The following TMEM255B variants were observed in gnomAD, a reference collection of about 807,000 sequenced individuals.
The protein encoded by TMEM255B is transmembrane protein 255B, also known as family with sequence similarity 70, member B.
TMEM255B carries 35 observed loss-of-function variants against 34.5 expected under a neutral mutation model. That is an observed-to-expected ratio of 1.01 (90% CI 0.77 to 1.34). The LOEUF is 1.34. Ranked by LOEUF, TMEM255B falls within the 40% of genes most tolerant of loss-of-function variation. The pLI, the probability that TMEM255B is intolerant of heterozygous loss-of-function variation, is 0.00. For missense variants in TMEM255B, 432 were observed against 433.2 expected (o/e 1.00, Z 0.02); for synonymous variants, 206 against 201.2 (o/e 1.02, Z -0.20).
chr13:113,803,790 C>T (rs1341031632), intron 7 of TMEM255B, among the ~76,000 whole-genome samples: 1 of 151,246 alleles, frequency 6.6e-6, no homozygotes, highest in Non-Finnish European at 1.5e-5. Context: ...AGGCCCTGCC[C>T]CTTCCCACCT....
chr13:113,796,859 G>A (rs889326588), intron 4 of TMEM255B, among the ~76,000 whole-genome samples: 1 of 152,192 alleles, frequency 6.6e-6, no homozygotes, highest in East Asian at 1.9e-4. Context: ...CTGCCCCAAC[G>A]GTTTCATTAT....
chr13:113,813,351 A>T lies in TMEM255B; in HGVS notation c.*1448A>T, dbSNP rs998686279. ...CCTCCCTGCAAAGCCCCCCGTGCCTACGATAAACAAGTACCGCTCTTCTCC... is the reference window on the plus strand; with the variant it reads ...CCTCCCTGCAAAGCCCCCCGTGCCTTCGATAAACAAGTACCGCTCTTCTCC... On this transcript the variant is annotated 3_prime_UTR_variant, in exon 9 of 9. Coordinates refer to ENST00000375353, the MANE Select transcript of TMEM255B (RefSeq NM_182614.4). The T allele has an allele frequency of 9.2e-5, 14 of 152,352 alleles. No individual in the cohort carries two copies. The highest frequency in any genetic ancestry group is 3.4e-4 in the African/African-American group (14 of 41,528). 9.4% of individuals were successfully genotyped at this position (152,352 alleles called of 1,614,324 possible). A position where few individuals can be genotyped will look rare whatever the true frequency, so the allele number is the denominator to read the frequency against.
At chr13:113,809,490 TG>T (rs1362155041) in intron 8 of TMEM255B, among the ~76,000 whole-genome samples, 1 of 86,380 alleles carries the variant, frequency 1.2e-5, no homozygotes, top group Non-Finnish European at 2.2e-5. Flanking sequence ...CTCTGGTTCC[TG>T]GGGGTTTACT....
chr13:113,799,775 T>G, intron 5 of TMEM255B: 2 of 673,432 alleles, frequency 3.0e-6, no homozygotes, highest in Non-Finnish European at 5.6e-6. Flanking sequence ...TGGATTTCCC[T>G]GAGCCACCGA....
chr13:113,794,567 G>A (rs576121476), intron 3 of TMEM255B, among the ~76,000 whole-genome samples: 33 of 152,196 alleles, frequency 2.2e-4, no homozygotes, highest in African/African-American at 7.5e-4. Context: ...CCTCTGGTCA[G>A]GGGTCCACGG....
chr13:113,772,465 T>C (rs953874564), intron 3 of TMEM255B, among the ~76,000 whole-genome samples: 1 of 152,256 alleles, frequency 6.6e-6, no homozygotes, highest in Admixed American at 6.5e-5. Flanking sequence ...TTTGTAGTTT[T>C]AACTCTTCCA....
intron 5 of TMEM255B, chr13:113,800,080 T>TG (rs2051016084): frequency 8.9e-7 from 1 of 1,118,062 alleles, no homozygotes. Flanking sequence ...GTGTGTGTGT[T>TG]TATGTGTGTG....
intron 3 of TMEM255B, among the ~76,000 whole-genome samples, chr13:113,790,542 C>T (rs1292768223): frequency 2.3e-5 from 3 of 131,734 alleles, no homozygotes; most frequent in Non-Finnish European, 4.8e-5. Context: ...ACGTGGACAT[C>T]CTAGCACTGA....
chr13:113,800,879 C>G lies in TMEM255B; in HGVS notation c.476C>G (p.Thr159Ser), dbSNP rs760051716. 6.2e-7 allele frequency: 1 copy of G among 1,610,786 alleles called. No individual in the cohort carries two copies. The highest frequency in any genetic ancestry group is 8.5e-7 in the Non-Finnish European group (1 of 1,179,036). ...TGCCAGCTGAAGGTGAGAAGCAACA[C>G]CTGTTACTGCTGTGACCTCTATGCC... ...GKCQLKVRSN[T>S]CYCCDLYACG... The change falls in exon 6 of 9, where the codon ACC becomes AGC. Residue 159 changes from threonine to serine, a missense_variant. Transcript: ENST00000375353.
chr13:113,767,956 T>TG (rs1399995494), intron 2 of TMEM255B, among the ~76,000 whole-genome samples: 2 of 152,264 alleles, frequency 1.3e-5, no homozygotes, highest in East Asian at 3.8e-4. Flanking sequence ...TGAAGAAATA[T>TG]TCCTGTTATC....
At chr13:113,805,741 A>T (rs2051159205) in intron 8 of TMEM255B, among the ~76,000 whole-genome samples, 1 of 152,172 alleles carries the variant, frequency 6.6e-6, no homozygotes, top group African/African-American at 2.4e-5. Flanking sequence ...CGCCGGTGTG[A>T]CAACCCAAAC....
Position 113,806,553 on chromosome 13 carries a change from T to G in TMEM255B, c.813+1525T>G, listed in dbSNP as rs2051175833. On this transcript the variant is annotated intron_variant, in intron 8 of 8. Coordinates refer to ENST00000375353, the MANE Select transcript of TMEM255B (RefSeq NM_182614.4). This position sits in a 1 kb window ranked among gnomAD's most constrained non-coding sequence, Gnocchi z 4.2. The stretch of plus-strand genomic sequence containing the variant: ...TCTGGCCTGGAAACATCTTTTCCAT[T>G]TCTGTGACGGGGGAAGATGTGGTCC... Among the ~76,000 whole-genome samples the G allele has an allele frequency of 6.6e-6, 1 of 152,176 alleles. No homozygotes were observed. The highest frequency in any genetic ancestry group is 1.5e-5 in the Non-Finnish European group (1 of 68,014).
In TMEM255B at chr13:113,814,694, T is replaced by C. The variant is rs1390333523; in HGVS notation, c.*2791T>C. 2 of 152,134 alleles carry C rather than the reference T, an allele frequency of 1.3e-5. No individual in the cohort carries two copies. The highest frequency in any genetic ancestry group is 2.9e-5 in the Non-Finnish European group (2 of 68,072). 9.4% of individuals were successfully genotyped at this position (152,134 alleles called of 1,614,324 possible). On this transcript the variant is annotated 3_prime_UTR_variant, in exon 9 of 9. Transcript: ENST00000375353. The stretch of plus-strand genomic sequence containing the variant: ...GGCCACCAAGCTCTGCCAGCCTGAG[T>C]CACGGTCTGATGAACCCCCTCTCTG...
At chr13:113,809,499 A>G (rs2051259587) in intron 8 of TMEM255B, among the ~76,000 whole-genome samples, 1 of 68,752 alleles carries the variant, frequency 1.5e-5, no homozygotes, top group South Asian at 8.7e-4. Flanking sequence ...CTGGGGGTTT[A>G]CTCTGTGGTT....
rs1022041842 is a variant in TMEM255B at position 113,806,562 on chromosome 13, G to A, written c.813+1534G>A. On this transcript the variant is annotated intron_variant, in intron 8 of 8. Transcript: ENST00000375353. The surrounding 1 kb of genome is among the most constrained non-coding windows in gnomAD (Gnocchi z 4.2). ...GAAACATCTTTTCCATTTCTGTGACGGGGGAAGATGTGGTCCCCAGGGTCA... is the reference window on the plus strand; with the variant it reads ...GAAACATCTTTTCCATTTCTGTGACAGGGGAAGATGTGGTCCCCAGGGTCA... Among the ~76,000 whole-genome samples, 8 of 152,178 alleles carry A rather than the reference G, an allele frequency of 5.3e-5. No homozygotes were observed. The highest frequency in any genetic ancestry group is 1.7e-4 in the African/African-American group (7 of 41,432).
intron 3 of TMEM255B, among the ~76,000 whole-genome samples, chr13:113,784,780 C>T (rs74974207): frequency 0.028 from 4,301 of 152,324 alleles, 93 homozygotes; most frequent in Middle Eastern, 0.044. Context: ...TGGCTAGAGG[C>T]CCTCAGGATC....
intron 3 of TMEM255B, among the ~76,000 whole-genome samples, chr13:113,792,406 G>A (rs1188802633): frequency 6.6e-6 from 1 of 152,224 alleles, no homozygotes; most frequent in Non-Finnish European, 1.5e-5. Context: ...GCACATCGTG[G>A]CCTCTGCCCC....
intron 3 of TMEM255B, among the ~76,000 whole-genome samples, chr13:113,783,925 A>C (rs1457055686): frequency 6.6e-6 from 1 of 152,176 alleles, no homozygotes; most frequent in East Asian, 1.9e-4. Flanking sequence ...TGAGGGGTGC[A>C]AGCATGACAT....
At chr13:113,781,139 G>A (rs1016395663) in intron 3 of TMEM255B, among the ~76,000 whole-genome samples, 3 of 152,108 alleles carry the variant, frequency 2.0e-5, no homozygotes, top group African/African-American at 7.2e-5. Context: ...CAATTTTAAT[G>A]TTTGATCATA....
Sources: gnomAD v4.1 joint callset for allele counts (sites outside exome capture counted in the v4.1 genomes callset) on GRCh38, gnomAD v4.1.1 for gene constraint, Gnocchi (gnomAD v3.1) non-coding constraint, MANE v1.5 for transcripts, NCBI Gene and HGNC (gene_info 2026-07-23, HGNC 2026-07-21) for gene names.